Variants in ADAMTSL3 observed in about 807,000 individuals in gnomAD.
ADAMTSL3 encodes the protein ADAMTS-like protein 3.
Under a neutral mutation model 201.7 loss-of-function variants are expected in ADAMTSL3, and 128 were observed. The observed-to-expected ratio is 0.63, with a 90% CI of 0.55 to 0.73. The LOEUF is 0.73. ADAMTSL3 is among the 30% of genes least tolerant of loss of function. ADAMTSL3 has a pLI of 0.00. For missense variants in ADAMTSL3, 1,990 were observed against 2,119.6 expected (o/e 0.94, Z 1.20); for synonymous variants, 738 against 748.4 (o/e 0.99, Z 0.23).
rs1401219204 is a variant in ADAMTSL3, at chr15:83,822,130, A to AC, written c.600+2090dup. ...GGGCGCCTGGCCGGGCGGGGGGCTG[A>AC]CCCCCCCACCTCCCTCCCAGACGGG... On this transcript the variant is annotated intron_variant, in intron 6 of 29. Transcript: ENST00000286744. Among the ~76,000 whole-genome samples, 170 of 110,896 alleles carry AC rather than the reference A, an allele frequency of 1.5e-3. 1 individual carries two copies. The highest frequency in any genetic ancestry group is 5.6e-3 in the African/African-American group (158 of 28,064). 72.8% of individuals were successfully genotyped at this position (110,896 alleles called of 152,430 possible).
Position 83,827,867 on chromosome 15 carries a change from A to G in ADAMTSL3, c.600+7820A>G, listed in dbSNP as rs573327773. The stretch of plus-strand genomic sequence containing the variant: ...ATTTCTGAGGGCTCTGTTCTGTCCC[A>G]TTGGTCTATATCTCTGTTTTGGTAC... On this transcript the variant is annotated intron_variant, in intron 6 of 29. Coordinates refer to ENST00000286744, the MANE Select transcript of ADAMTSL3 (RefSeq NM_207517.3). 1.6e-4 allele frequency among the ~76,000 whole-genome samples: 25 copies of G among 152,236 alleles called. 2 individuals carry two copies. The South Asian group carries it at 4.6e-3, about 28-fold the overall frequency.
intron 23 of ADAMTSL3, among the ~76,000 whole-genome samples, chr15:84,013,599 C>T (rs1442568079): frequency 6.6e-6 from 1 of 152,106 alleles, no homozygotes. Flanking sequence ...CATGATGAAA[C>T]CCTGTCTTTA....
intron 2 of ADAMTSL3, among the ~76,000 whole-genome samples, chr15:83,658,766 TTATC>T (rs2061125950): frequency 6.6e-6 from 1 of 152,226 alleles, no homozygotes; most frequent in Admixed American, 6.5e-5. Flanking sequence ...TTTCCAAACT[TTATC>T]TAGCCTGGAG....
intron 4 of ADAMTSL3, among the ~76,000 whole-genome samples, chr15:83,792,543 G>C (rs1474585098): frequency 6.6e-6 from 1 of 152,166 alleles, no homozygotes; most frequent in African/African-American, 2.4e-5. Flanking sequence ...CAGCACTTTG[G>C]GAGGCTGAGG....
At chr15:83,822,593 G>A (rs1427508194) in intron 6 of ADAMTSL3, among the ~76,000 whole-genome samples, 22 of 144,892 alleles carry the variant, frequency 1.5e-4, no homozygotes, top group Middle Eastern at 3.5e-3. Context: ...CATCTCAGAC[G>A]ATGGGCGGCC....
intron 3 of ADAMTSL3, among the ~76,000 whole-genome samples, chr15:83,726,651 C>A (rs543667172): frequency 6.6e-6 from 1 of 152,122 alleles, no homozygotes; most frequent in Admixed American, 6.6e-5. Flanking sequence ...CAATTGAAAT[C>A]ATCATATGGT....
intron 2 of ADAMTSL3, among the ~76,000 whole-genome samples, chr15:83,666,285 T>A (rs2061247296): frequency 6.6e-6 from 1 of 152,234 alleles, no homozygotes; most frequent in Admixed American, 6.5e-5. Flanking sequence ...TGACCAATTC[T>A]TCACTACTGA....
chr15:83,948,641 A>T (rs1352673474), intron 19 of ADAMTSL3, among the ~76,000 whole-genome samples: 3 of 152,174 alleles, frequency 2.0e-5, no homozygotes, highest in African/African-American at 7.2e-5. Flanking sequence ...GTGAAGATAC[A>T]TTCTATGAAT....
At chr15:83,764,746 C>T (rs2062864653) in intron 3 of ADAMTSL3, among the ~76,000 whole-genome samples, 1 of 152,030 alleles carries the variant, frequency 6.6e-6, no homozygotes, top group Non-Finnish European at 1.5e-5. Flanking sequence ...TTCCCTGTAC[C>T]CTGTCCACTA....
chr15:83,740,984 AT>A (rs2062445350), intron 3 of ADAMTSL3, among the ~76,000 whole-genome samples: 1 of 152,016 alleles, frequency 6.6e-6, no homozygotes, highest in African/African-American at 2.4e-5. Flanking sequence ...AGGCCAACAT[AT>A]TTTTCTATGT....
At chr15:83,823,394 A>G (rs1299020823) in intron 6 of ADAMTSL3, among the ~76,000 whole-genome samples, 1 of 152,182 alleles carries the variant, frequency 6.6e-6, no homozygotes, top group Non-Finnish European at 1.5e-5. Context: ...AAAGTGCTCA[A>G]AGGTGAACCT....
intron 2 of ADAMTSL3, among the ~76,000 whole-genome samples, chr15:83,665,329 G>T (rs1443958561): frequency 6.6e-6 from 1 of 152,142 alleles, no homozygotes; most frequent in East Asian, 1.9e-4. Flanking sequence ...TGAAGGAGTA[G>T]TTTGGGGGAC....
At chr15:83,727,842 C>A (rs943649421) in intron 3 of ADAMTSL3, among the ~76,000 whole-genome samples, 2 of 151,946 alleles carry the variant, frequency 1.3e-5, no homozygotes, top group East Asian at 3.9e-4. Context: ...TATTCTGCAA[C>A]CATTGGATGA....
At chr15:83,883,702 C>G (rs571631417) in intron 9 of ADAMTSL3, among the ~76,000 whole-genome samples, 1 of 151,794 alleles carries the variant, frequency 6.6e-6, no homozygotes, top group Non-Finnish European at 1.5e-5. Flanking sequence ...GCTGGGACTA[C>G]AGGTGCATGC....
intron 5 of ADAMTSL3, among the ~76,000 whole-genome samples, chr15:83,817,690 C>T (rs1373029599): frequency 2.0e-5 from 3 of 152,052 alleles, no homozygotes; most frequent in Non-Finnish European, 4.4e-5. Context: ...GGATATAAAA[C>T]AAGACATTTT....
intron 13 of ADAMTSL3, among the ~76,000 whole-genome samples, chr15:83,893,931 T>A (rs2065560341): frequency 6.6e-6 from 1 of 152,232 alleles, no homozygotes; most frequent in Non-Finnish European, 1.5e-5. Context: ...ACTTAGTTCA[T>A]CATATATGTG....
At chr15:83,745,046 A>G in intron 3 of ADAMTSL3, among the ~76,000 whole-genome samples, 1 of 152,172 alleles carries the variant, frequency 6.6e-6, no homozygotes, top group South Asian at 2.1e-4. Flanking sequence ...CCTGCCCCAC[A>G]TCCTGGACCC....
chr15:83,986,314 G>A (rs1288291309), intron 21 of ADAMTSL3, among the ~76,000 whole-genome samples: 1 of 152,062 alleles, frequency 6.6e-6, no homozygotes, highest in Non-Finnish European at 1.5e-5. Context: ...GAGGAGCCTG[G>A]TCAGTTTAAA....
chr15:83,982,314 C>CCG lies in ADAMTSL3; in HGVS notation c.2688_2689dup (p.Gln897ArgfsTer21). ...GAAGACAAAACTTGGTGAGCAGGGT[C>CCG]CGCAGATCCTCAGTGTCCAGAGAGT... On this transcript the variant is annotated frameshift_variant, in exon 21 of 30. Transcript: ENST00000286744. LOFTEE classifies it high-confidence loss of function. The CCG allele has an allele frequency of 6.2e-7, 1 of 1,612,590 alleles. No homozygotes were observed. Among genetic ancestry groups the CCG allele is most frequent in the Non-Finnish European group, 8.5e-7 (1 of 1,179,088 alleles).
Sources: allele counts gnomAD v4.1 joint callset (sites outside exome capture counted in the v4.1 genomes callset), GRCh38; gene constraint gnomAD v4.1.1; transcripts MANE v1.5; gene names NCBI Gene and HGNC (gene_info 2026-07-23, HGNC 2026-07-21).